PHF24: variants seen among roughly 807,000 people sequenced by gnomAD.
PHF24 encodes the protein PHD finger protein 24, also known as Galpha inhibitory interacting protein.
Under a neutral mutation model 42.6 loss-of-function variants are expected in PHF24, and 25 were observed. That is an observed-to-expected ratio of 0.59 (90% CI 0.43 to 0.82). The LOEUF (loss-of-function observed/expected upper bound fraction) is 0.82, where lower values mean the gene tolerates loss of function less well. Among genes scored for constraint, PHF24 ranks in the 40% least tolerant of loss-of-function variants. The pLI, the probability that PHF24 is intolerant of heterozygous loss-of-function variation, is 0.00. For missense variants in PHF24, 470 were observed against 538.1 expected (o/e 0.87, Z 1.25); for synonymous variants, 185 against 204.8 (o/e 0.90, Z 0.83).
At chr9:34,667,256 G>A in the PHF24 span, among the ~76,000 whole-genome samples, 1 of 152,182 alleles carries the variant, frequency 6.6e-6, no homozygotes. Flanking sequence ...AATAAGTGGG[G>A]TGAAAGTTTC....
chr9:34,717,604 G>T, the PHF24 span, among the ~76,000 whole-genome samples: 1 of 152,310 alleles, frequency 6.6e-6, no homozygotes, highest in East Asian at 1.9e-4. Context: ...GAGACCAGGG[G>T]TATGCACGTG....
the PHF24 span, among the ~76,000 whole-genome samples, chr9:34,784,479 A>G: frequency 6.6e-6 from 1 of 152,250 alleles, no homozygotes; most frequent in African/African-American, 2.4e-5. Context: ...GTTCAGCCTC[A>G]AACGGTACCA....
chr9:34,881,221 G>A, the PHF24 span, among the ~76,000 whole-genome samples: 1 of 152,158 alleles, frequency 6.6e-6, no homozygotes, highest in Non-Finnish European at 1.5e-5. Flanking sequence ...TGTTTAGAAG[G>A]AAATTTATAG....
At chr9:34,786,986 C>G in the PHF24 span, among the ~76,000 whole-genome samples, 2,986 of 152,212 alleles carry the variant, frequency 0.02, 102 homozygotes, top group African/African-American at 0.066. Flanking sequence ...AGGAGGCACC[C>G]AGAATCCTGT....
chr9:34,924,345 TA>T, the PHF24 span, among the ~76,000 whole-genome samples: 139,333 of 152,184 alleles, frequency 0.92, 64,207 homozygotes, highest in East Asian at 1. Context: ...TCTGTCTAGA[TA>T]AACCTGTCCA....
At chr9:34,917,370 A>G in the PHF24 span, 32 of 781,562 alleles carry the variant, frequency 4.1e-5, no homozygotes, top group African/African-American at 1.5e-4. Context: ...TGATGGCTCT[A>G]TAGTACTTTA....
chr9:34,677,389 G>GTTTTTTTT, the PHF24 span, among the ~76,000 whole-genome samples: 224 of 79,776 alleles, frequency 2.8e-3, 16 homozygotes, highest in African/African-American at 5.1e-3. Flanking sequence ...TTTGTAAACT[G>GTTTTTTTT]TTTTTTTTTT....
the PHF24 span, among the ~76,000 whole-genome samples, chr9:34,710,642 A>T: frequency 6.8e-6 from 1 of 147,122 alleles, no homozygotes; most frequent in Non-Finnish European, 1.5e-5. Flanking sequence ...TGATTTTTCT[A>T]TTTTTTTTTT....
the PHF24 span, among the ~76,000 whole-genome samples, chr9:34,759,330 A>T: frequency 7.9e-5 from 12 of 152,134 alleles, no homozygotes; most frequent in Non-Finnish European, 1.5e-4. Flanking sequence ...TCCCTGAGGC[A>T]CCAACACCTC....
the PHF24 span, among the ~76,000 whole-genome samples, chr9:34,940,463 T>G: frequency 6.6e-6 from 1 of 152,104 alleles, no homozygotes; most frequent in Non-Finnish European, 1.5e-5. Context: ...CCTCTTTCTT[T>G]AATTCTTACA....
chr9:34,968,175 A>T (rs1826845264), intron 1 of PHF24, among the ~76,000 whole-genome samples: 1 of 152,202 alleles, frequency 6.6e-6, no homozygotes. Flanking sequence ...CCCACCAATA[A>T]ATATACTTCT....
the PHF24 span, among the ~76,000 whole-genome samples, chr9:34,945,615 A>G: frequency 6.6e-6 from 1 of 152,176 alleles, no homozygotes; most frequent in African/African-American, 2.4e-5. Context: ...TTGTCTCGGG[A>G]GTGGATTCAC....
chr9:34,839,749 A>G, the PHF24 span, among the ~76,000 whole-genome samples: 1 of 152,320 alleles, frequency 6.6e-6, no homozygotes, highest in East Asian at 1.9e-4. Flanking sequence ...CAAGACACTT[A>G]AAAATCTAGT....
the PHF24 span, among the ~76,000 whole-genome samples, chr9:34,776,215 A>G: frequency 6.6e-6 from 1 of 152,350 alleles, no homozygotes; most frequent in Admixed American, 6.5e-5. Flanking sequence ...ATAGAATTGT[A>G]TATTTTAACT....
chr9:34,869,506 T>G, the PHF24 span, among the ~76,000 whole-genome samples: 1 of 152,090 alleles, frequency 6.6e-6, no homozygotes, highest in South Asian at 2.1e-4. Flanking sequence ...TAGTGATGAG[T>G]GATGTTGAGC....
the PHF24 span, among the ~76,000 whole-genome samples, chr9:34,673,943 A>T: frequency 6.6e-6 from 1 of 152,024 alleles, no homozygotes; most frequent in African/African-American, 2.4e-5. Flanking sequence ...TTTTGTAGAG[A>T]CAGAATTTCC....
chr9:34,969,866 C>T (rs1164906160), intron 1 of PHF24, among the ~76,000 whole-genome samples: 3 of 152,240 alleles, frequency 2.0e-5, no homozygotes, highest in Non-Finnish European at 2.9e-5. Flanking sequence ...TCCTCCTACC[C>T]GCTGTCACCT....
chr9:34,895,680 A>G, the PHF24 span: 1 of 404,658 alleles, frequency 2.5e-6, no homozygotes, highest in Non-Finnish European at 4.4e-6. Flanking sequence ...TAGGTGTATA[A>G]GGGATATCCA....
At chr9:34,966,981 G>A (rs7048812) in intron 1 of PHF24, among the ~76,000 whole-genome samples, 35,689 of 151,942 alleles carry the variant, frequency 0.23, 4,981 homozygotes, top group East Asian at 0.67. Flanking sequence ...GGCTCAAGCA[G>A]TTCTCCCACC....
Sources: gnomAD v4.1 joint callset for allele counts (sites outside exome capture counted in the v4.1 genomes callset) on GRCh38, gnomAD v4.1.1 for gene constraint, MANE v1.5 for transcripts, NCBI Gene and HGNC (gene_info 2026-07-23, HGNC 2026-07-21) for gene names.